Variants in PAQR3 observed in about 807,000 individuals in gnomAD.
PAQR3 encodes the protein progestin and adipoQ receptor family member 3.
A neutral mutation model predicts 41.7 loss-of-function variants in PAQR3; 39 were observed. That is an observed-to-expected ratio of 0.93 (90% CI 0.72 to 1.22). PAQR3 has a LOEUF of 1.22. Among genes scored for constraint, PAQR3 ranks in the 50% most tolerant of loss-of-function variants. The pLI, the probability that PAQR3 is intolerant of heterozygous loss-of-function variation, is 0.00. For missense variants in PAQR3, 366 were observed against 385.6 expected (o/e 0.95, Z 0.42); for synonymous variants, 140 against 140.6 (o/e 1.00, Z 0.03).
intron 11 of PAQR3, among the ~76,000 whole-genome samples, chr4:78,894,538 GAGAGTT>G (rs1733602869): frequency 6.6e-6 from 1 of 152,218 alleles, no homozygotes; most frequent in African/African-American, 2.4e-5. Context: ...TAGGATTGAA[GAGAGTT>G]AGAGCCTTGC....
chr4:78,924,831 ACT>A (rs982565810), intron 4 of PAQR3, among the ~76,000 whole-genome samples: 2 of 151,558 alleles, frequency 1.3e-5, no homozygotes, highest in African/African-American at 4.9e-5. Flanking sequence ...ATAGAGAGAG[ACT>A]CTGTTTCAAA....
chr4:78,920,188 C>G lies in PAQR3; in HGVS notation c.*351G>C. 1.0e-6 allele frequency: 1 copy of G among 1,002,978 alleles called. No homozygotes were observed. The allele number at this position is 1,002,978 out of a possible 1,614,324, so 62.1% of individuals were successfully genotyped here. On this transcript the variant is annotated 3_prime_UTR_variant, in exon 6 of 6. Coordinates refer to ENST00000512733, the MANE Select transcript of PAQR3 (RefSeq NM_001040202.2). ...GAAAATAATTAAGCACATAAGATGA[C>G]TCCATTTTCTAATGGACATGAGCCC...
At position 78,898,772 on chromosome 4, in the gene PAQR3, A is replaced by T. The variant is rs372864954; in HGVS notation, c.*836+7336T>A. ...GTATTGAATCACTTGGACAATGTGA[A>T]TTGGGATATTAACAAAAATAAGAAA... is the stretch of plus-strand genomic sequence containing the variant. On this transcript the variant is annotated intron_variant and NMD_transcript_variant, in intron 11 of 12. Coordinates refer to the PAQR3 transcript ENST00000342820. 3.0e-4 allele frequency: 45 copies of T among 152,168 alleles called. No individual in the cohort carries two copies. The East Asian group carries it at 6.8e-3, about 23-fold the overall frequency. The allele number at this position is 152,168 out of a possible 1,614,324, so 9.4% of individuals were successfully genotyped here. A position where few individuals can be genotyped will look rare whatever the true frequency, so the allele number is the denominator to read the frequency against.
chr4:78,921,688 C>A (rs1735676984), intron 5 of PAQR3: 1 of 985,004 alleles, frequency 1.0e-6, no homozygotes. Context: ...CATTTTTAAA[C>A]ATTCAACCTG....
intron 11 of PAQR3, among the ~76,000 whole-genome samples, chr4:78,895,739 C>T (rs936250009): frequency 6.6e-6 from 1 of 152,050 alleles, no homozygotes; most frequent in Non-Finnish European, 1.5e-5. Flanking sequence ...CAATTGTACT[C>T]TAATTTTTAT....
chr4:78,918,221 C>A lies in PAQR3; in HGVS notation c.*2318G>T. ...AAACCAGTCTTTTTTAGTAATAAAA[C>A]TGGATAGTATATTTTAATCTTACTT... On this transcript the variant is annotated 3_prime_UTR_variant, in exon 6 of 6. Coordinates refer to ENST00000512733, the MANE Select transcript of PAQR3 (RefSeq NM_001040202.2). 4 of 840,622 alleles carry A rather than the reference C, an allele frequency of 4.8e-6. No homozygotes were observed. Among genetic ancestry groups the A allele is most frequent in the Non-Finnish European group, 5.4e-6 (4 of 735,588 alleles). The allele number at this position is 840,622 out of a possible 1,614,324, so 52.1% of individuals were successfully genotyped here.
intron 3 of PAQR3, among the ~76,000 whole-genome samples, chr4:78,929,275 G>T (rs1736571759): frequency 2.0e-5 from 3 of 152,142 alleles, no homozygotes; most frequent in Admixed American, 2.0e-4. Flanking sequence ...GCTCAGTCTT[G>T]GTTCTGAAAG....
intron 4 of PAQR3, among the ~76,000 whole-genome samples, chr4:78,925,725 T>G (rs1366453716): frequency 6.6e-6 from 1 of 152,166 alleles, no homozygotes; most frequent in African/African-American, 2.4e-5. Flanking sequence ...GTATATGTGA[T>G]TTCTGTCAGA....
chr4:78,939,298 G>C lies in PAQR3; in HGVS notation c.-74C>G. ...GCCTCCCCGGGGAGGGGGCTTCGCCGCTGGCGCCCCCGCCCCGGAGCCCGC... is the reference window on the plus strand; with the variant it reads ...GCCTCCCCGGGGAGGGGGCTTCGCCCCTGGCGCCCCCGCCCCGGAGCCCGC... On this transcript the variant is annotated 5_prime_UTR_variant, in exon 1 of 6. Coordinates refer to ENST00000512733, the MANE Select transcript of PAQR3 (RefSeq NM_001040202.2). The C allele has an allele frequency of 1.4e-6, 2 of 1,405,494 alleles. No individual in the cohort carries two copies. The highest frequency in any genetic ancestry group is 1.9e-6 in the Non-Finnish European group (2 of 1,062,976). 87.1% of individuals were successfully genotyped at this position (1,405,494 alleles called of 1,614,324 possible). A position where few individuals can be genotyped will look rare whatever the true frequency, so the allele number is the denominator to read the frequency against.
downstream of PAQR3, chr4:78,910,857 A>G (rs1360075614): frequency 6.2e-7 from 1 of 1,614,020 alleles, no homozygotes; most frequent in Non-Finnish European, 8.5e-7. Flanking sequence ...GGGAACAAGG[A>G]GATTTTAATG....
chr4:78,906,637 A>T (rs1734300980), intron 10 of PAQR3, among the ~76,000 whole-genome samples: 1 of 152,044 alleles, frequency 6.6e-6, no homozygotes, highest in Admixed American at 6.6e-5. Context: ...TCTGAAGTGG[A>T]TCTCAGCTCC....
chr4:78,933,311 A>T (rs1737106220), intron 2 of PAQR3: 1 of 455,502 alleles, frequency 2.2e-6, no homozygotes, highest in Non-Finnish European at 4.4e-6. Flanking sequence ...ATTGTATTCT[A>T]ACATTCTTCT....
At chr4:78,911,175 T>G, downstream of PAQR3, 1 of 1,613,688 alleles carries the variant, frequency 6.2e-7, no homozygotes, top group Non-Finnish European at 8.5e-7. Context: ...AAGAAAAGAA[T>G]GAAAAGAACC....
intron 11 of PAQR3, among the ~76,000 whole-genome samples, chr4:78,894,027 T>G (rs1315127530): frequency 6.6e-6 from 1 of 152,220 alleles, no homozygotes; most frequent in Non-Finnish European, 1.5e-5. Flanking sequence ...AGGAATCTTC[T>G]TTTCTGAGCA....
At chr4:78,923,805 T>C in intron 5 of PAQR3, 52 bp downstream of exon 5, 1 of 1,169,230 alleles carries the variant, frequency 8.6e-7, no homozygotes, top group Non-Finnish European at 1.3e-6. Flanking sequence ...GCATATACCT[T>C]GGGCATATAT....
intron 11 of PAQR3, among the ~76,000 whole-genome samples, chr4:78,899,475 A>G (rs1733884568): frequency 6.6e-6 from 1 of 152,186 alleles, no homozygotes; most frequent in Non-Finnish European, 1.5e-5. Context: ...AATCTTGGCC[A>G]TTGGGTTTAC....
intron 11 of PAQR3, among the ~76,000 whole-genome samples, chr4:78,901,007 A>G (rs1023845452): frequency 3.3e-5 from 5 of 152,160 alleles, no homozygotes; most frequent in African/African-American, 9.7e-5. Context: ...TCTTAGTTCT[A>G]TCACAGATTA....
At chr4:78,926,088 A>G (rs1736186538) in intron 4 of PAQR3, among the ~76,000 whole-genome samples, 1 of 152,088 alleles carries the variant, frequency 6.6e-6, no homozygotes, top group Non-Finnish European at 1.5e-5. Context: ...TGGGTACCCC[A>G]CACTCATCGG....
chr4:78,907,961 A>T (rs924945110), downstream of PAQR3, among the ~76,000 whole-genome samples: 1 of 152,128 alleles, frequency 6.6e-6, no homozygotes, highest in African/African-American at 2.4e-5. Flanking sequence ...TACATATTTT[A>T]TTTTCATTTT....
Sources: allele counts gnomAD v4.1 joint callset (sites outside exome capture counted in the v4.1 genomes callset), GRCh38; gene constraint gnomAD v4.1.1; transcripts MANE v1.5; gene names NCBI Gene and HGNC (gene_info 2026-07-23, HGNC 2026-07-21).